SETD7: variants seen among roughly 807,000 people sequenced by gnomAD.
SETD7 encodes histone-lysine N-methyltransferase SETD7.
SETD7 carries 16 observed loss-of-function variants against 41.8 expected under a neutral mutation model. The observed-to-expected ratio is 0.38, with a 90% confidence interval of 0.26 to 0.58. The LOEUF is 0.58. Among genes scored for constraint, SETD7 ranks in the 20% least tolerant of loss-of-function variants. The probability of loss-of-function intolerance (pLI) is 0.64; values close to 1 mark genes in which losing one functional copy is unlikely to be tolerated. For synonymous variants in SETD7, 163 were observed against 169.7 expected (o/e 0.96, Z 0.31); for missense variants, 346 against 459.7 (o/e 0.75, Z 2.26).
At chr4:139,504,006 C>T (rs1413371547), downstream of SETD7, among the ~76,000 whole-genome samples, 1 of 152,108 alleles carries the variant, frequency 6.6e-6, no homozygotes, top group Non-Finnish European at 1.5e-5. Flanking sequence ...GGGAGCTAGC[C>T]CCTGAAGGCA....
chr4:139,515,109 T>C (rs1378709049), intron 7 of SETD7, among the ~76,000 whole-genome samples: 2 of 136,172 alleles, frequency 1.5e-5, no homozygotes, highest in African/African-American at 5.7e-5. Context: ...GAGGTTACAG[T>C]GAGCTGAGAT....
At chr4:139,530,818 T>A (rs1229483694) in intron 3 of SETD7, among the ~76,000 whole-genome samples, 2 of 152,216 alleles carry the variant, frequency 1.3e-5, no homozygotes, top group African/African-American at 2.4e-5. Context: ...AAACCTTATA[T>A]GAAAAACTTT....
At chr4:139,531,657 A>G in intron 3 of SETD7, among the ~76,000 whole-genome samples, 1 of 152,242 alleles carries the variant, frequency 6.6e-6, no homozygotes, top group Non-Finnish European at 1.5e-5. Flanking sequence ...TTCTTTTCTT[A>G]TGCCCTATTC....
intron 2 of SETD7, among the ~76,000 whole-genome samples, chr4:139,539,798 T>C (rs1727734727): frequency 6.6e-6 from 1 of 152,216 alleles, no homozygotes; most frequent in Non-Finnish European, 1.5e-5. Flanking sequence ...ATGGGATTAA[T>C]GCCCTTATAA....
chr4:139,529,181 C>T lies in SETD7; in HGVS notation c.412G>A (p.Glu138Lys). The stretch of plus-strand genomic sequence containing the variant: ...TAGGCTATCTTCTCTCCAGTCATCT[C>T]CCCATCTTCATTTACTTCTCCTACA... The part of the protein sequence containing the change: ...SLVGEVNEDG[E>K]MTGEKIAYVY... Residue 138 changes from glutamate (E) to lysine (K), a missense_variant, in exon 4 of 8, where the codon GAG becomes AAG. Physicochemically the swap from Glu to Lys is moderately conservative, Grantham distance 56 (BLOSUM62 1). Coordinates refer to ENST00000274031, the MANE Select transcript of SETD7 (RefSeq NM_030648.4). 1 of 1,613,604 alleles carries T rather than the reference C, an allele frequency of 6.2e-7. No homozygotes were observed. The highest frequency in any genetic ancestry group is 8.5e-7 in the Non-Finnish European group (1 of 1,179,890).
rs10581648 is a variant in SETD7 at position 139,544,797 on chromosome 4, A to AGTGTGT, written c.170+2117_170+2122dup. 3.0e-3 allele frequency among the ~76,000 whole-genome samples: 432 copies of AGTGTGT among 144,944 alleles called. 2 individuals are homozygous for AGTGTGT. The highest frequency in any genetic ancestry group is 9.8e-3 in the South Asian group (44 of 4,488). ...ATCATCATCAAACTACCAGATTTAA[A>AGTGTGT]GTGTGTGTGTGTGTGTGTGTGTGTG... On this transcript the variant is annotated intron_variant, in intron 2 of 7. Transcript: ENST00000274031.
downstream of SETD7, among the ~76,000 whole-genome samples, chr4:139,493,760 G>T (rs1579191599): frequency 1.3e-5 from 2 of 152,148 alleles, no homozygotes; most frequent in East Asian, 3.9e-4. Context: ...GGCTGGTCTC[G>T]AACTCCTGGG....
intron 1 of SETD7, among the ~76,000 whole-genome samples, chr4:139,553,321 G>A (rs1728164612): frequency 1.3e-5 from 2 of 152,222 alleles, no homozygotes. Flanking sequence ...GATAGCTATT[G>A]CAGAGGACAC....
In SETD7 at chr4:139,510,483, T is replaced by C. The variant is rs1201492997; in HGVS notation, c.*1180A>G. ...ATGGCTGAAATGCTATTGATAGTGTTGCTTTTAAACTATACAGGTGTTCAG... is the reference window on the plus strand; with the variant it reads ...ATGGCTGAAATGCTATTGATAGTGTCGCTTTTAAACTATACAGGTGTTCAG... On this transcript the variant is annotated 3_prime_UTR_variant, in exon 8 of 8. Transcript: ENST00000274031. 6.6e-6 allele frequency: 1 copy of C among 152,264 alleles called. No individual in the cohort carries two copies. Among genetic ancestry groups the C allele is most frequent in the Non-Finnish European group, 1.5e-5 (1 of 68,048 alleles). The allele number at this position is 152,264 out of a possible 1,614,324, so 9.4% of individuals were successfully genotyped here.
chr4:139,538,724 T>G (rs1215317292), intron 2 of SETD7, among the ~76,000 whole-genome samples: 1 of 152,188 alleles, frequency 6.6e-6, no homozygotes, highest in East Asian at 1.9e-4. Context: ...ATGCTTAACT[T>G]GTATTTTCTT....
intron 3 of SETD7, 61 bp downstream of exon 3, chr4:139,533,104 C>G: frequency 6.9e-7 from 1 of 1,443,854 alleles, no homozygotes; most frequent in Non-Finnish European, 9.8e-7. Flanking sequence ...ACATTTTACT[C>G]TTCATTGTGA....
At chr4:139,545,766 G>A (rs1727924444) in intron 2 of SETD7, among the ~76,000 whole-genome samples, 1 of 152,184 alleles carries the variant, frequency 6.6e-6, no homozygotes, top group Admixed American at 6.5e-5. Context: ...TCAGTTGTCA[G>A]CTTAGACATT....
At chr4:139,502,417 CAA>C (rs1012867417), downstream of SETD7, among the ~76,000 whole-genome samples, 1 of 152,114 alleles carries the variant, frequency 6.6e-6, no homozygotes, top group Non-Finnish European at 1.5e-5. Flanking sequence ...CCTCATGCAG[CAA>C]AGACTTGAAG....
rs775555081 is a variant in SETD7 at position 139,533,273 on chromosome 4, G to A, written c.264C>T (p.Asp88=). The A allele has an allele frequency of 5.6e-6, 9 of 1,613,930 alleles. No homozygotes were observed. Among genetic ancestry groups the A allele is most frequent in the Admixed American group, 3.3e-5 (2 of 59,992 alleles). The change falls in exon 3 of 8, where the codon GAC becomes GAT. Residue 88 remains aspartate, a synonymous_variant. Coordinates refer to ENST00000274031, the MANE Select transcript of SETD7 (RefSeq NM_030648.4). The stretch of plus-strand genomic sequence containing the variant: ...CCTGGGCTGGACCGTTCAGCTCTCC[G>A]TCTACATACGTGCCCTGGAGAACTC... ...DGGVLQGTYV[D]GELNGPAQEY...
intron 2 of SETD7, among the ~76,000 whole-genome samples, chr4:139,533,893 T>C (rs971513247): frequency 1.2e-4 from 19 of 152,366 alleles, no homozygotes; most frequent in African/African-American, 4.6e-4. Flanking sequence ...CCGTAATTGG[T>C]ATCCAGTCAA....
Position 139,509,898 on chromosome 4 carries a change from T to C in SETD7, c.*1765A>G. On this transcript the variant is annotated 3_prime_UTR_variant, in exon 8 of 8. Coordinates refer to ENST00000274031, the MANE Select transcript of SETD7 (RefSeq NM_030648.4). ...TTAAGCTTTCAAGCAGGGATCCAAC[T>C]GGATCTCCCTGAAACCACTGCCACC... 1 of 985,352 alleles carries C rather than the reference T, an allele frequency of 1.0e-6. No individual in the cohort carries two copies. Among genetic ancestry groups the C allele is most frequent in the Non-Finnish European group, 1.2e-6 (1 of 829,862 alleles). 61.0% of individuals were successfully genotyped at this position (985,352 alleles called of 1,614,324 possible).
intron 2 of SETD7, among the ~76,000 whole-genome samples, chr4:139,538,576 G>A (rs963736105): frequency 3.9e-5 from 6 of 152,044 alleles, no homozygotes; most frequent in Non-Finnish European, 7.4e-5. Context: ...TGATCCACCC[G>A]CCTCAGCCTG....
chr4:139,514,007 G>T (rs1198403771), intron 7 of SETD7, among the ~76,000 whole-genome samples: 1 of 152,240 alleles, frequency 6.6e-6, no homozygotes, highest in East Asian at 1.9e-4. Context: ...ACTTGGCTGG[G>T]TGCAGTGGCC....
At chr4:139,544,627 T>C (rs1203009692) in intron 2 of SETD7, among the ~76,000 whole-genome samples, 1 of 152,154 alleles carries the variant, frequency 6.6e-6, no homozygotes, top group Non-Finnish European at 1.5e-5. Context: ...AGCTAACAAG[T>C]AGCTCATTCT....
Sources: gnomAD v4.1 joint callset for allele counts (sites outside exome capture counted in the v4.1 genomes callset) on GRCh38, gnomAD v4.1.1 for gene constraint, MANE v1.5 for transcripts, NCBI Gene and HGNC (gene_info 2026-07-23, HGNC 2026-07-21) for gene names.